Variants in TNIK observed in about 807,000 individuals in gnomAD.
TNIK encodes the protein TRAF2 and NCK-interacting protein kinase.
A neutral mutation model predicts 191.3 loss-of-function variants in TNIK; 49 were observed. The ratio of observed to expected loss-of-function variants is 0.26; its 90% confidence interval spans 0.20 to 0.32. The LOEUF is 0.32. TNIK is among the 10% of genes least tolerant of loss of function. TNIK has a pLI of 1.00. For missense variants in TNIK, 1,155 were observed against 1,702.3 expected, an observed-to-expected ratio of 0.68 and a Z score of 5.66; for synonymous variants, 594 against 600.9, an observed-to-expected ratio of 0.99 and a Z score of 0.17.
Position 171,059,228 on chromosome 3 carries a change from C to G in TNIK, c.*4653G>C, listed in dbSNP as rs974135569. Among the ~76,000 whole-genome samples, 2 of 152,164 alleles carry G rather than the reference C, an allele frequency of 1.3e-5. No individual in the cohort carries two copies. Among genetic ancestry groups the G allele is most frequent in the African/African-American group, 4.8e-5 (2 of 41,442 alleles). ...ACATTTTTATTTTTAACTGTATTTT[C>G]TACTTTTCATCCAAACATTTGTCAT... On this transcript the variant is annotated 3_prime_UTR_variant, in exon 33 of 33. Transcript: ENST00000436636.
In TNIK at chr3:171,058,572, A is replaced by C. The variant is rs1311415485; in HGVS notation, c.*5309T>G. 6.6e-6 allele frequency among the ~76,000 whole-genome samples: 1 copy of C among 152,228 alleles called. No individual in the cohort carries two copies. Among genetic ancestry groups the C allele is most frequent in the South Asian group, 2.1e-4 (1 of 4,832 alleles). ...TCAATGATTTTTGTATGCAAGAAAA[A>C]AAATACCTGAAAGTAACCAAAAGTT... On this transcript the variant is annotated 3_prime_UTR_variant, in exon 33 of 33. Coordinates refer to ENST00000436636, the MANE Select transcript of TNIK (RefSeq NM_015028.4).
chr3:171,117,875 C>G (rs1308546804), intron 18 of TNIK, among the ~76,000 whole-genome samples: 1 of 152,104 alleles, frequency 6.6e-6, no homozygotes, highest in Non-Finnish European at 1.5e-5. Flanking sequence ...GAGGCTGATG[C>G]AGGAGAATCG....
chr3:171,094,485 T>C (rs1722472047), intron 22 of TNIK, among the ~76,000 whole-genome samples: 2 of 152,262 alleles, frequency 1.3e-5, no homozygotes, highest in African/African-American at 2.4e-5. Context: ...GGCCCCACTT[T>C]TGCAGCATCC....
chr3:171,459,877 T>C, intron 1 of TNIK, 130 bp downstream of exon 1: 1 of 1,168,006 alleles, frequency 8.6e-7, no homozygotes, highest in Non-Finnish European at 1.2e-6. Flanking sequence ...AAAACGGGAA[T>C]CCAGGTTCCC....
intron 15 of TNIK, among the ~76,000 whole-genome samples, chr3:171,132,201 T>A (rs1355938241): frequency 6.6e-6 from 1 of 152,196 alleles, no homozygotes; most frequent in Non-Finnish European, 1.5e-5. Context: ...CAACAAAAGA[T>A]ACCTGTTATA....
intron 2 of TNIK, among the ~76,000 whole-genome samples, chr3:171,341,271 G>A (rs917008534): frequency 1.3e-5 from 2 of 151,720 alleles, no homozygotes; most frequent in African/African-American, 2.4e-5. Flanking sequence ...TCAGGAGTTC[G>A]AGACCAGACT....
At chr3:171,304,999 AAAGTAT>A (rs762687457) in intron 2 of TNIK, among the ~76,000 whole-genome samples, 6 of 149,998 alleles carry the variant, frequency 4.0e-5, no homozygotes, top group East Asian at 1.9e-4. Context: ...CCTAAAACTT[AAAGTAT>A]AATTAAAAAA....
chr3:171,152,216 G>A (rs534190182), intron 12 of TNIK, among the ~76,000 whole-genome samples: 2 of 152,154 alleles, frequency 1.3e-5, no homozygotes, highest in East Asian at 1.9e-4. Flanking sequence ...GGGAGGCAGA[G>A]GTTGCAGTGA....
At chr3:171,228,400 C>A (rs910263676) in intron 2 of TNIK, among the ~76,000 whole-genome samples, 179 bp from the exon 3 acceptor site, 1 of 152,110 alleles carries the variant, frequency 6.6e-6, no homozygotes, top group Non-Finnish European at 1.5e-5. Context: ...AAAACGTCCC[C>A]AGTCACTTTG....
chr3:171,435,899 G>GAAAGACAGACAGA (rs1302256470), intron 1 of TNIK, among the ~76,000 whole-genome samples: 2 of 152,204 alleles, frequency 1.3e-5, no homozygotes, highest in Non-Finnish European at 2.9e-5. Flanking sequence ...TGACAGGCAA[G>GAAAGACAGACAGA]AAAGACAGAC....
chr3:171,199,552 C>G (rs1309632710), intron 4 of TNIK, among the ~76,000 whole-genome samples: 1 of 152,208 alleles, frequency 6.6e-6, no homozygotes, highest in South Asian at 2.1e-4. Context: ...TTCTTCTTCA[C>G]CTAACTTCCT....
chr3:171,069,196 C>T (rs1310306807), intron 29 of TNIK, among the ~76,000 whole-genome samples, 199 bp from the exon 30 acceptor site: 1 of 152,146 alleles, frequency 6.6e-6, no homozygotes, highest in Admixed American at 6.5e-5. Context: ...CTTTCTCTAC[C>T]CTTTGTCCTT....
chr3:171,320,334 C>T (rs536831194), intron 2 of TNIK, among the ~76,000 whole-genome samples: 1 of 152,248 alleles, frequency 6.6e-6, no homozygotes, highest in East Asian at 1.9e-4. Flanking sequence ...TAAATTGTTA[C>T]TAGGGGCTTC....
In TNIK at chr3:171,219,056, T is replaced by TATTA. The variant is rs1560278639; in HGVS notation, c.181-7816_181-7815insTAAT. On this transcript the variant is annotated intron_variant, in intron 3 of 32. Coordinates refer to ENST00000436636, the MANE Select transcript of TNIK (RefSeq NM_015028.4). ...TAATTATATTAAATTATATTTAATA[T>TATTA]AATATATTAAATATATAAATATATA... is the stretch of plus-strand genomic sequence containing the variant. 9.8e-5 allele frequency among the ~76,000 whole-genome samples: 12 copies of TATTA among 122,028 alleles called. No individual in the cohort carries two copies. The South Asian group carries it at 1.2e-3, about 13-fold the overall frequency. The allele number at this position is 122,028 out of a possible 152,430, so 80.1% of individuals were successfully genotyped here. A position where few individuals can be genotyped will look rare whatever the true frequency, so the allele number is the denominator to read the frequency against.
intron 1 of TNIK, among the ~76,000 whole-genome samples, chr3:171,432,056 C>G (rs1725450587): frequency 6.6e-6 from 1 of 152,048 alleles, no homozygotes; most frequent in African/African-American, 2.4e-5. Flanking sequence ...TGTTTCCAAA[C>G]CAAAAGAACT....
chr3:171,250,746 G>A (rs995026092), intron 2 of TNIK, among the ~76,000 whole-genome samples: 15 of 152,112 alleles, frequency 9.9e-5, no homozygotes, highest in African/African-American at 1.4e-4. Flanking sequence ...ACTTAAGGCC[G>A]TTATAAGAAC....
At chr3:171,386,700 AT>A (rs1718782070) in intron 1 of TNIK, among the ~76,000 whole-genome samples, 1 of 152,208 alleles carries the variant, frequency 6.6e-6, no homozygotes, top group Non-Finnish European at 1.5e-5. Flanking sequence ...TATAGAATAG[AT>A]TTCAAGAAAA....
At chr3:171,374,168 A>AC (rs1262346202) in intron 1 of TNIK, among the ~76,000 whole-genome samples, 1 of 152,202 alleles carries the variant, frequency 6.6e-6, no homozygotes, top group South Asian at 2.1e-4. Context: ...GGTCTAGCAA[A>AC]CTTACATCAT....
chr3:171,291,119 G>A (rs372813070), intron 2 of TNIK, among the ~76,000 whole-genome samples: 4 of 152,156 alleles, frequency 2.6e-5, no homozygotes, highest in South Asian at 2.1e-4. Context: ...CACAGAAAAC[G>A]TGCAAACCTT....
Sources: gnomAD v4.1 joint callset for allele counts (sites outside exome capture counted in the v4.1 genomes callset) on GRCh38, gnomAD v4.1.1 for gene constraint, MANE v1.5 for transcripts, NCBI Gene and HGNC (gene_info 2026-07-23, HGNC 2026-07-21) for gene names.